Variants in IQCM observed in about 807,000 individuals in gnomAD.
IQCM encodes the protein IQ domain-containing protein M.
Under a neutral mutation model 57.6 loss-of-function variants are expected in IQCM, and 45 were observed. That is an observed-to-expected ratio of 0.78 (90% CI 0.62 to 1.00). IQCM has a LOEUF of 1.00. Among genes scored for constraint, IQCM ranks in the 50% least tolerant of loss-of-function variants. The pLI is 0.00. For synonymous variants in IQCM, 148 were observed against 158.9 expected (o/e 0.93, Z 0.51); for missense variants, 468 against 511.6 (o/e 0.91, Z 0.82).
chr4:149,607,853 TGGAA>T (rs949025591), intron 8 of IQCM, among the ~76,000 whole-genome samples: 2 of 151,202 alleles, frequency 1.3e-5, no homozygotes, highest in African/African-American at 4.9e-5. Context: ...GGAAGATGGA[TGGAA>T]GGAAGGAAGG....
intron 12 of IQCM, among the ~76,000 whole-genome samples, chr4:149,448,206 T>C (rs1269204254): frequency 6.6e-6 from 1 of 151,580 alleles, no homozygotes; most frequent in Admixed American, 6.6e-5. Flanking sequence ...AAGTGAAAAA[T>C]AAAAATCTAT....
intron 5 of IQCM, among the ~76,000 whole-genome samples, chr4:149,702,330 AC>A (rs1002720141): frequency 1.3e-5 from 2 of 149,922 alleles, no homozygotes; most frequent in Non-Finnish European, 3.0e-5. Flanking sequence ...ACACACACAC[AC>A]CCATAGCACA....
chr4:149,755,512 C>G lies in IQCM; in HGVS notation c.-48-12773G>C, dbSNP rs993529649. On this transcript the variant is annotated intron_variant, in intron 2 of 13. Transcript: ENST00000636793. ...GCCTGAAATGTTCTTTTGTCAGATT[C>G]ACAAGGTACCAACCCTTCACTTCTC... Among the ~76,000 whole-genome samples the G allele has an allele frequency of 3.9e-5, 6 of 152,228 alleles. No individual in the cohort carries two copies. The East Asian group carries it at 9.7e-4, about 25-fold the overall frequency.
At chr4:149,470,248 A>G (rs1404638182) in intron 12 of IQCM, among the ~76,000 whole-genome samples, 2 of 152,038 alleles carry the variant, frequency 1.3e-5, no homozygotes. Flanking sequence ...GCAGAGACAC[A>G]CATAGGCTCA....
chr4:149,749,175 G>A (rs746499958), intron 2 of IQCM, among the ~76,000 whole-genome samples: 12 of 152,090 alleles, frequency 7.9e-5, no homozygotes, highest in Non-Finnish European at 1.8e-4. Flanking sequence ...AATTGAATCC[G>A]TACCTAACCA....
chr4:149,580,170 A>C (rs919744520), intron 9 of IQCM, among the ~76,000 whole-genome samples: 1 of 151,836 alleles, frequency 6.6e-6, no homozygotes, highest in African/African-American at 2.4e-5. Flanking sequence ...AAGATCTCAT[A>C]AAGAAAATTG....
chr4:149,618,175 T>A (rs1755966601), intron 8 of IQCM, among the ~76,000 whole-genome samples: 1 of 152,082 alleles, frequency 6.6e-6, no homozygotes, highest in African/African-American at 2.4e-5. Context: ...AATGGAAGAA[T>A]AAATAACCCA....
intron 2 of IQCM, among the ~76,000 whole-genome samples, chr4:149,792,538 CA>C (rs748616791): frequency 6.6e-6 from 1 of 152,066 alleles, no homozygotes; most frequent in South Asian, 2.1e-4. Flanking sequence ...GTTAGACAGC[CA>C]GGGGGAAAAT....
At chr4:149,764,529 G>C (rs1354370445) in intron 2 of IQCM, among the ~76,000 whole-genome samples, 1 of 152,146 alleles carries the variant, frequency 6.6e-6, no homozygotes, top group Non-Finnish European at 1.5e-5. Context: ...CTTGTGAAGA[G>C]AGTATTTAAG....
chr4:149,745,629 A>G (rs533048966), intron 2 of IQCM, among the ~76,000 whole-genome samples: 3 of 152,270 alleles, frequency 2.0e-5, no homozygotes, highest in Admixed American at 6.5e-5. Flanking sequence ...AGTAGAAACT[A>G]TTTCCCTACC....
intron 6 of IQCM, among the ~76,000 whole-genome samples, chr4:149,683,367 T>G (rs1214577131): frequency 2.0e-5 from 3 of 151,262 alleles, no homozygotes; most frequent in Non-Finnish European, 4.4e-5. Flanking sequence ...TTTAAAACAT[T>G]TGCCTAGAAA....
At chr4:149,716,481 C>T (rs1402487691) in intron 5 of IQCM, among the ~76,000 whole-genome samples, 4 of 152,180 alleles carry the variant, frequency 2.6e-5, no homozygotes, top group Non-Finnish European at 4.4e-5. Flanking sequence ...TGTCCAGGTC[C>T]GCTGTTGCAG....
At chr4:149,411,894 G>T (rs879500221) in intron 13 of IQCM, among the ~76,000 whole-genome samples, 1 of 152,108 alleles carries the variant, frequency 6.6e-6, no homozygotes, top group Non-Finnish European at 1.5e-5. Context: ...AGCCCAGATT[G>T]TTCTTTTTTT....
chr4:149,730,240 A>G (rs1187152988), intron 5 of IQCM, among the ~76,000 whole-genome samples: 1 of 152,064 alleles, frequency 6.6e-6, no homozygotes. Context: ...AAATAACTCT[A>G]CCTTTCTAAT....
At chr4:149,600,867 C>G (rs558768810) in intron 8 of IQCM, among the ~76,000 whole-genome samples, 1 of 152,222 alleles carries the variant, frequency 6.6e-6, no homozygotes, top group Non-Finnish European at 1.5e-5. Flanking sequence ...TATCCAAATA[C>G]CTAGAAAATT....
intron 5 of IQCM, among the ~76,000 whole-genome samples, chr4:149,726,071 AAAAGAAAGAAAGAAAG>A (rs529190046): frequency 0.022 from 2,039 of 94,764 alleles, 28 homozygotes; most frequent in Middle Eastern, 0.043. Context: ...TCTTCCCTCT[AAAAGAAAGAAAGAAAG>A]AAAGAAAGAA....
intron 13 of IQCM, among the ~76,000 whole-genome samples, chr4:149,375,981 T>A (rs1439098633): frequency 6.6e-6 from 1 of 152,124 alleles, no homozygotes; most frequent in African/African-American, 2.4e-5. Flanking sequence ...ACCTAAATTG[T>A]ACAATTAATA....
chr4:149,724,963 C>A (rs1765764684), intron 5 of IQCM, among the ~76,000 whole-genome samples: 1 of 151,840 alleles, frequency 6.6e-6, no homozygotes. Flanking sequence ...CATAAATTAT[C>A]AGCAGAATGA....
intron 2 of IQCM, among the ~76,000 whole-genome samples, chr4:149,800,622 G>A (rs970661394): frequency 7.2e-5 from 11 of 151,820 alleles, no homozygotes; most frequent in Admixed American, 2.0e-4. Flanking sequence ...AAAACTATTC[G>A]AACTGAAAAA....
Sources: allele counts gnomAD v4.1 joint callset (sites outside exome capture counted in the v4.1 genomes callset), GRCh38; gene constraint gnomAD v4.1.1; transcripts MANE v1.5; gene names NCBI Gene and HGNC (gene_info 2026-07-23, HGNC 2026-07-21).